Variants in CLEC12A observed in about 807,000 individuals in gnomAD.
The protein encoded by CLEC12A is C-type lectin protein CLL-1.
CLEC12A carries 22 observed loss-of-function variants against 26.5 expected under a neutral mutation model. That is an observed-to-expected ratio of 0.83 (90% CI 0.59 to 1.19). The LOEUF is 1.19. CLEC12A is among the 50% of genes most tolerant of loss of function. The pLI, the probability that CLEC12A is intolerant of heterozygous loss-of-function variation, is 0.00. For synonymous variants in CLEC12A, 119 were observed against 101.9 expected (o/e 1.17, Z -1.01); for missense variants, 353 against 315.6 (o/e 1.12, Z -0.90).
intron 1 of CLEC12A, among the ~76,000 whole-genome samples, chr12:9,963,048 A>G (rs471521): frequency 0.52 from 78,953 of 152,032 alleles, 22,249 homozygotes; most frequent in South Asian, 0.64. Context: ...GATATTGTGG[A>G]GTTGCTAGAA....
At position 9,984,762 on chromosome 12, in the gene CLEC12A, A is replaced by C. The variant is rs1565564150; in HGVS notation, c.642-108A>C. On this transcript the variant is annotated intron_variant, in intron 5 of 5. Coordinates refer to ENST00000304361, the MANE Select transcript of CLEC12A (RefSeq NM_138337.6). ...CATTAAATTAGATTTAGTTTAAACA[A>C]CACAGAGTCTAGGGCAATAATATCA... The C allele has an allele frequency of 2.9e-6, 3 of 1,025,114 alleles. No homozygotes were observed. The East Asian group carries it at 1.0e-4, about 34-fold the overall frequency. 63.5% of individuals were successfully genotyped at this position (1,025,114 alleles called of 1,614,324 possible).
chr12:9,990,262 A>G (rs956178905), downstream of CLEC12A, among the ~76,000 whole-genome samples: 6 of 152,228 alleles, frequency 3.9e-5, no homozygotes, highest in Non-Finnish European at 7.3e-5. Context: ...GATTCTTCTT[A>G]TATATCAGAG....
Position 9,985,297 on chromosome 12 carries a change from C to G in CLEC12A, c.*271C>G. The stretch of plus-strand genomic sequence containing the variant: ...AGTCCATTCAGATAGTTGTGGGGGG[C>G]CTTCGAATTTTCATTTTCATTTACG... On this transcript the variant is annotated 3_prime_UTR_variant, in exon 6 of 6. Transcript: ENST00000304361. 1 of 401,522 alleles carries G rather than the reference C, an allele frequency of 2.5e-6. No individual in the cohort carries two copies. 24.9% of individuals were successfully genotyped at this position (401,522 alleles called of 1,614,324 possible).
chr12:9,969,558 G>A (rs1864053643), upstream of CLEC12A, among the ~76,000 whole-genome samples: 1 of 152,092 alleles, frequency 6.6e-6, no homozygotes, highest in Non-Finnish European at 1.5e-5. Flanking sequence ...CTTGCAAACA[G>A]GACTTTGAGA....
Position 9,978,956 on chromosome 12 carries a change from C to G in CLEC12A, c.92-10C>G, listed in dbSNP as rs778175951. 7 of 1,609,490 alleles carry G rather than the reference C, an allele frequency of 4.3e-6. No individual in the cohort carries two copies. The highest frequency in any genetic ancestry group is 6.0e-6 in the Non-Finnish European group (7 of 1,176,252). ...TTTTTAGGCCTCTCTGTTAATTTTG[C>G]TTTCCACAGCACCTCCAGCTCCCTC... On this transcript the variant is annotated splice_polypyrimidine_tract_variant and intron_variant, in intron 1 of 5. Coordinates refer to ENST00000304361, the MANE Select transcript of CLEC12A (RefSeq NM_138337.6).
At chr12:9,975,950 C>T (rs1864318247) in intron 1 of CLEC12A, among the ~76,000 whole-genome samples, 1 of 152,162 alleles carries the variant, frequency 6.6e-6, no homozygotes, top group Non-Finnish European at 1.5e-5. Context: ...GGTGCAAACC[C>T]CAAGCCTTGG....
chr12:9,979,460 C>G lies in CLEC12A; in HGVS notation c.315C>G (p.Asn105Lys). 6.2e-7 allele frequency: 1 copy of G among 1,613,436 alleles called. No homozygotes were observed. Among genetic ancestry groups the G allele is most frequent in the Middle Eastern group, 1.7e-4 (1 of 6,060 alleles). Residue 105 changes from asparagine to lysine, a missense_variant, in exon 3 of 6, where the codon AAC becomes AAG. Coordinates refer to ENST00000304361, the MANE Select transcript of CLEC12A (RefSeq NM_138337.6). ...TGAATATCTCCAACAAGATCAGGAA[C>G]CTCTCCACCACACTGCAAACAATAG... ...SNMNISNKIR[N>K]LSTTLQTIAT...
At chr12:9,978,935 T>A (rs1864443092) in intron 1 of CLEC12A, 31 bp from the exon 2 acceptor site, 3 of 1,456,888 alleles carry the variant, frequency 2.1e-6, no homozygotes, top group South Asian at 2.3e-5. Context: ...ATACCATTTT[T>A]AGGCCTCTCT....
chr12:9,985,134 G>T lies in CLEC12A; in HGVS notation c.*108G>T. On this transcript the variant is annotated 3_prime_UTR_variant, in exon 6 of 6. Transcript: ENST00000304361. The stretch of plus-strand genomic sequence containing the variant: ...TTAGTTGAGTTTGTCTGAAGACCTG[G>T]GATTTTATCATGCAGATGAAACATC... 8.2e-7 allele frequency: 1 copy of T among 1,217,164 alleles called. No individual in the cohort carries two copies. Among genetic ancestry groups the T allele is most frequent in the Non-Finnish European group, 1.1e-6 (1 of 945,836 alleles). 75.4% of individuals were successfully genotyped at this position (1,217,164 alleles called of 1,614,324 possible).
At chr12:9,956,911 A>G (rs1863750301) in intron 1 of CLEC12A, among the ~76,000 whole-genome samples, 1 of 152,248 alleles carries the variant, frequency 6.6e-6, no homozygotes, top group Admixed American at 6.5e-5. Context: ...ATAAGTTACC[A>G]GTGGAATTTA....
At chr12:10,002,129 C>T in the CLEC12A span, among the ~76,000 whole-genome samples, 1 of 152,114 alleles carries the variant, frequency 6.6e-6, no homozygotes, top group Non-Finnish European at 1.5e-5. Flanking sequence ...GATCCACCCG[C>T]CTCGGCCTCC....
intron 5 of CLEC12A, chr12:9,984,045 G>C (rs1591837844): frequency 3.5e-6 from 1 of 289,756 alleles, no homozygotes; most frequent in African/African-American, 2.3e-5. Context: ...AAACATTGTA[G>C]ATATTTTCAG....
rs1237051814 is a variant in CLEC12A, at chr12:9,984,948, C to T, written c.720C>T (p.Cys240=). Residue 240 remains cysteine (C), a synonymous_variant, in exon 6 of 6, where the codon TGC becomes TGT. Coordinates refer to ENST00000304361, the MANE Select transcript of CLEC12A (RefSeq NM_138337.6). ...GACTATATGTTCAATATTATCACTG[C>T]ACTTATAAAAAAAGAATGATATGTG... ...INRLYVQYYH[C]TYKKRMICEK... 1.9e-6 allele frequency: 3 copies of T among 1,572,904 alleles called. No homozygotes were observed. The highest frequency in any genetic ancestry group is 1.7e-6 in the Non-Finnish European group (2 of 1,156,050).
At position 9,971,601 on chromosome 12, in the gene CLEC12A, C is replaced by T. The variant is rs781047099; in HGVS notation, c.5C>T (p.Ser2Phe). 1 of 1,604,538 alleles carries T rather than the reference C, an allele frequency of 6.2e-7. No homozygotes were observed. Among genetic ancestry groups the T allele is most frequent in the South Asian group, 1.1e-5 (1 of 89,080 alleles). The change falls in exon 1 of 6, where the codon TCT becomes TTT. Residue 2 changes from serine (S) to phenylalanine (F), a missense_variant. Coordinates refer to ENST00000304361, the MANE Select transcript of CLEC12A (RefSeq NM_138337.6). M[S>F]EEVTYADLQF... ...GATTTCTTTACATATTCATCAATGT[C>T]TGAAGAAGTTACTTATGCAGATCTT...
chr12:9,979,399 T>A lies in CLEC12A; in HGVS notation c.254T>A (p.Leu85His). The A allele has an allele frequency of 6.2e-7, 1 of 1,610,940 alleles. No individual in the cohort carries two copies. The highest frequency in any genetic ancestry group is 8.5e-7 in the Non-Finnish European group (1 of 1,178,194). The stretch of plus-strand genomic sequence containing the variant: ...AAACTACAAAACATCAGTGAAGAGC[T>A]CCAGAGAAATATTTCTCTACAACTG... ...MNKLQNISEE[L>H]QRNISLQLMS... The change falls in exon 3 of 6, where the codon CTC (leucine) becomes CAC (histidine). Residue 85 changes from leucine (L) to histidine (H), a missense_variant. By Grantham distance (99) the Leu-to-His change is moderately conservative (BLOSUM62 -3). Coordinates refer to ENST00000304361, the MANE Select transcript of CLEC12A (RefSeq NM_138337.6).
the CLEC12A span, among the ~76,000 whole-genome samples, chr12:10,005,916 T>A: frequency 1.2e-4 from 18 of 152,222 alleles, no homozygotes; most frequent in Admixed American, 1.1e-3. Context: ...ATTCTCTGGG[T>A]ACTTTCCCAT....
chr12:9,964,134 C>T (rs2961541), intron 1 of CLEC12A, among the ~76,000 whole-genome samples: 128,887 of 152,048 alleles, frequency 0.85, 54,983 homozygotes, highest in Middle Eastern at 0.91. Flanking sequence ...AGAGTTGATA[C>T]AAGGAGAAAG....
chr12:9,966,414 C>G (rs112407040), upstream of CLEC12A, among the ~76,000 whole-genome samples: 3 of 152,044 alleles, frequency 2.0e-5, no homozygotes, highest in Non-Finnish European at 2.9e-5. Context: ...GAGTGGCTGC[C>G]GGTGAGATGG....
chr12:9,955,859 A>C (rs1049652487), intron 1 of CLEC12A, among the ~76,000 whole-genome samples: 5 of 152,266 alleles, frequency 3.3e-5, no homozygotes, highest in African/African-American at 1.2e-4. Context: ...TGATGTAGAC[A>C]TATCAAGAAA....
Sources: gnomAD v4.1 joint callset for allele counts (sites outside exome capture counted in the v4.1 genomes callset) on GRCh38, gnomAD v4.1.1 for gene constraint, MANE v1.5 for transcripts, NCBI Gene and HGNC (gene_info 2026-07-23, HGNC 2026-07-21) for gene names.